Variants in SELENOF observed in about 807,000 individuals in gnomAD.
SELENOF encodes selenoprotein F, also known as 15 kDa selenoprotein.
SELENOF carries 16 observed loss-of-function variants against 20.5 expected under a neutral mutation model. The ratio of observed to expected loss-of-function variants is 0.78; its 90% CI spans 0.53 to 1.19. SELENOF has a LOEUF of 1.19. Among genes scored for constraint, SELENOF ranks in the 50% most tolerant of loss-of-function variants. The pLI is 0.00. For synonymous variants in SELENOF, 78 were observed against 74.5 expected (o/e 1.05, Z -0.24); for missense variants, 215 against 194.2 (o/e 1.11, Z -0.64).
At chr1:86,882,094 T>C (rs1036850200) in intron 2 of SELENOF, among the ~76,000 whole-genome samples, 2 of 151,180 alleles carry the variant, frequency 1.3e-5, no homozygotes, top group South Asian at 4.2e-4. Context: ...TAGCTGGGCG[T>C]GGTGGCGCAT....
rs1359494723 is a variant in SELENOF, at chr1:86,863,609, CA to C, written c.367-5del. ...CAGGGTCTGAACCACGGACATACTA[CA>C]AAAAAGAGGGACGTCATCATTACTT... On this transcript the variant is annotated splice_polypyrimidine_tract_variant and splice_region_variant and intron_variant, in intron 4 of 4. Transcript: ENST00000331835. 1 of 1,607,292 alleles carries C rather than the reference CA, an allele frequency of 6.2e-7. No homozygotes were observed. Among genetic ancestry groups the C allele is most frequent in the South Asian group, 1.1e-5 (1 of 90,172 alleles).
intron 2 of SELENOF, among the ~76,000 whole-genome samples, chr1:86,886,479 G>C (rs1177063471): frequency 6.6e-6 from 1 of 150,584 alleles, no homozygotes; most frequent in East Asian, 1.9e-4. Context: ...TGTAGCTATA[G>C]ATTCTCATTT....
intron 2 of SELENOF, among the ~76,000 whole-genome samples, chr1:86,900,846 A>G (rs1329270270): frequency 6.6e-6 from 1 of 152,112 alleles, no homozygotes; most frequent in African/African-American, 2.4e-5. Flanking sequence ...GTTGACTTTT[A>G]AAGAATTTAT....
intron 1 of SELENOF, among the ~76,000 whole-genome samples, chr1:86,904,534 T>C (rs1466932448): frequency 6.6e-6 from 1 of 152,212 alleles, no homozygotes; most frequent in Non-Finnish European, 1.5e-5. Context: ...ACTTCCTCTT[T>C]GGATTCTATC....
chr1:86,881,356 T>C (rs1659064574), intron 2 of SELENOF, among the ~76,000 whole-genome samples: 1 of 152,226 alleles, frequency 6.6e-6, no homozygotes, highest in South Asian at 2.1e-4. Context: ...AAGCTCATTA[T>C]AAAAAACTCA....
intron 2 of SELENOF, among the ~76,000 whole-genome samples, chr1:86,882,181 G>A (rs368924633): frequency 1.1e-4 from 16 of 143,194 alleles, no homozygotes; most frequent in African/African-American, 3.1e-4. Context: ...GCAGTGAGCC[G>A]AAGGTTGCAG....
intron 2 of SELENOF, among the ~76,000 whole-genome samples, chr1:86,897,373 A>G (rs188444613): frequency 6.6e-6 from 1 of 152,292 alleles, no homozygotes; most frequent in African/African-American, 2.4e-5. Flanking sequence ...ATATAGTGTA[A>G]ATCAAAGTAT....
intron 2 of SELENOF, among the ~76,000 whole-genome samples, chr1:86,897,984 T>C (rs1659570392): frequency 1.3e-5 from 2 of 152,200 alleles, no homozygotes; most frequent in Admixed American, 1.3e-4. Flanking sequence ...ACTGGGTATC[T>C]TTACCCTTCT....
chr1:86,902,472 A>G (rs965660840), intron 2 of SELENOF, among the ~76,000 whole-genome samples: 1 of 152,216 alleles, frequency 6.6e-6, no homozygotes, highest in African/African-American at 2.4e-5. Context: ...TATGCCTGAA[A>G]GCTTTACAAA....
At chr1:86,867,928 A>C (rs558862671) in intron 4 of SELENOF, 125 bp downstream of exon 4, 1 of 415,862 alleles carries the variant, frequency 2.4e-6, no homozygotes. Context: ...GAAATTAAAA[A>C]TTTAAATTGA....
At chr1:86,902,552 T>C (rs490784) in intron 2 of SELENOF, among the ~76,000 whole-genome samples, 17,631 of 152,202 alleles carry the variant, frequency 0.12, 1,637 homozygotes, top group African/African-American at 0.25. Flanking sequence ...AACAGAAATA[T>C]GCTAACATTT....
intron 2 of SELENOF, among the ~76,000 whole-genome samples, chr1:86,896,939 G>C (rs1026296235): frequency 6.6e-6 from 1 of 152,170 alleles, no homozygotes; most frequent in African/African-American, 2.4e-5. Context: ...AGTAAAAACA[G>C]CCTTATTCAA....
chr1:86,896,632 G>T (rs1314230513), intron 2 of SELENOF, among the ~76,000 whole-genome samples: 1 of 152,188 alleles, frequency 6.6e-6, no homozygotes, highest in African/African-American at 2.4e-5. Flanking sequence ...TCACTAAAAA[G>T]TTGTGCTAAA....
At chr1:86,889,806 A>G (rs909458959) in intron 2 of SELENOF, among the ~76,000 whole-genome samples, 1 of 152,090 alleles carries the variant, frequency 6.6e-6, no homozygotes, top group Non-Finnish European at 1.5e-5. Context: ...TTTCTCTCCA[A>G]TTCAGTCTAA....
chr1:86,899,911 G>A (rs1444433922), intron 2 of SELENOF, among the ~76,000 whole-genome samples: 1 of 151,092 alleles, frequency 6.6e-6, no homozygotes, highest in African/African-American at 2.4e-5. Context: ...TCCCAGACGG[G>A]GTCGCGGCCG....
chr1:86,882,076 A>G (rs1389909859), intron 2 of SELENOF, among the ~76,000 whole-genome samples: 1 of 151,900 alleles, frequency 6.6e-6, no homozygotes, highest in Non-Finnish European at 1.5e-5. Flanking sequence ...TACTAAAAAT[A>G]CAAAAATTAG....
intron 2 of SELENOF, among the ~76,000 whole-genome samples, chr1:86,902,405 G>A (rs1336023412): frequency 1.3e-5 from 2 of 152,016 alleles, no homozygotes; most frequent in South Asian, 2.1e-4. Flanking sequence ...TTAGAACTCC[G>A]AAAATGCACT....
At chr1:86,899,595 C>T (rs545894419) in intron 2 of SELENOF, among the ~76,000 whole-genome samples, 5 of 149,668 alleles carry the variant, frequency 3.3e-5, no homozygotes, top group Non-Finnish European at 6.0e-5. Context: ...AGGGGGCTGA[C>T]CCCCCAACCT....
intron 2 of SELENOF, among the ~76,000 whole-genome samples, chr1:86,902,250 T>C (rs1198135518): frequency 6.6e-6 from 1 of 152,212 alleles, no homozygotes; most frequent in African/African-American, 2.4e-5. Flanking sequence ...TTTACTGGTA[T>C]ATGTGAACCA....
Sources: allele counts gnomAD v4.1 joint callset (sites outside exome capture counted in the v4.1 genomes callset), GRCh38; gene constraint gnomAD v4.1.1; transcripts MANE v1.5; gene names NCBI Gene and HGNC (gene_info 2026-07-23, HGNC 2026-07-21).